The following CACNA1A variants were observed in gnomAD, a reference collection of about 807,000 sequenced individuals.
CACNA1A encodes voltage-dependent P/Q-type calcium channel subunit alpha-1A.
Under a neutral mutation model 262.4 loss-of-function variants are expected in CACNA1A, and 57 were observed. The ratio of observed to expected loss-of-function variants is 0.22; its 90% confidence interval spans 0.18 to 0.27. The LOEUF (loss-of-function observed/expected upper bound fraction) is 0.27. Ranked by LOEUF, CACNA1A falls within the 10% of genes least tolerant of loss-of-function variation. CACNA1A has a pLI of 1.00. For synonymous variants in CACNA1A, 1,431 were observed against 1,419.3 expected (o/e 1.01, Z -0.18); for missense variants, 2,526 against 3,562.8 (o/e 0.71, Z 7.41).
intron 3 of CACNA1A, among the ~76,000 whole-genome samples, chr19:13,434,384 T>C (rs2060573534): frequency 6.6e-6 from 1 of 152,144 alleles, no homozygotes; most frequent in Non-Finnish European, 1.5e-5. Flanking sequence ...CAAAAGTAAT[T>C]GTGGTTTTTG....
At chr19:13,246,917 C>T (rs1346205752) in intron 30 of CACNA1A, among the ~76,000 whole-genome samples, 3 of 152,230 alleles carry the variant, frequency 2.0e-5, no homozygotes, top group Admixed American at 6.5e-5. Context: ...TGAGCCACCA[C>T]GCCTGGCCTC....
chr19:13,370,088 A>T (rs562385280), intron 4 of CACNA1A, among the ~76,000 whole-genome samples: 41 of 151,632 alleles, frequency 2.7e-4, no homozygotes, highest in Non-Finnish European at 5.6e-4. Flanking sequence ...GCACATAGTA[A>T]GTGCTTTTTA....
Position 13,299,325 on chromosome 19 carries a change from C to T in CACNA1A, c.2308G>A (p.Ala770Thr), listed in dbSNP as rs376308062. 8 of 1,600,236 alleles carry T rather than the reference C, an allele frequency of 5.0e-6. No individual in the cohort carries two copies. The highest frequency in any genetic ancestry group is 6.8e-6 in the Non-Finnish European group (8 of 1,179,782). The change falls in exon 19 of 47, where the codon GCC becomes ACC. Residue 770 changes from alanine to threonine, a missense_variant. Coordinates refer to ENST00000360228, the MANE Select transcript of CACNA1A (RefSeq NM_001127222.2). ...VKEQQKNQKP[A>T]KSVWEQRTSE... ...GTCCGCTGCTCCCACACGGACTTGGCTGGCTTTTGATTCTTCTGTTGCTCT... is the reference window on the plus strand; with the variant it reads ...GTCCGCTGCTCCCACACGGACTTGGTTGGCTTTTGATTCTTCTGTTGCTCT...
chr19:13,208,686 G>A, intron 46 of CACNA1A, 70 bp downstream of exon 46: 1 of 1,469,878 alleles, frequency 6.8e-7, no homozygotes. Context: ...GCTGTTGGAT[G>A]GGGTATCCCC....
intron 3 of CACNA1A, among the ~76,000 whole-genome samples, chr19:13,431,906 A>G (rs2060511339): frequency 6.6e-6 from 1 of 151,940 alleles, no homozygotes; most frequent in Non-Finnish European, 1.5e-5. Flanking sequence ...AGAGATTGAC[A>G]CCATCCTGGC....
intron 1 of CACNA1A, among the ~76,000 whole-genome samples, chr19:13,457,608 T>C (rs1450766795): frequency 6.6e-6 from 1 of 152,134 alleles, no homozygotes; most frequent in Non-Finnish European, 1.5e-5. Context: ...CCCAGCACTT[T>C]GGAAGGCCGA....
At chr19:13,362,730 T>A (rs1213213743) in intron 5 of CACNA1A, 1 of 152,230 alleles carries the variant, frequency 6.6e-6, no homozygotes, top group Non-Finnish European at 1.5e-5. Context: ...TAAAAATGGC[T>A]GCAAATGAGG....
Position 13,330,375 on chromosome 19 carries a change from T to C in CACNA1A, c.1256-42A>G, listed in dbSNP as rs964988506. ...ATGGCAAGAGAAAAAGACGTTACCC[T>C]TTTTGCAACACAGACCATATGGACA... On this transcript the variant is annotated intron_variant, in intron 9 of 46. Coordinates refer to ENST00000360228, the MANE Select transcript of CACNA1A (RefSeq NM_001127222.2). 3 of 1,412,140 alleles carry C rather than the reference T, an allele frequency of 2.1e-6. No homozygotes were observed. The Admixed American group carries it at 5.9e-5, about 28-fold the overall frequency. 87.5% of individuals were successfully genotyped at this position (1,412,140 alleles called of 1,614,324 possible). A position where few individuals can be genotyped will look rare whatever the true frequency, so the allele number is the denominator to read the frequency against.
chr19:13,313,532 T>C (rs946774006), intron 11 of CACNA1A, among the ~76,000 whole-genome samples: 6 of 143,646 alleles, frequency 4.2e-5, no homozygotes, highest in Admixed American at 2.8e-4. Flanking sequence ...GCAACAATTA[T>C]GCCCTACCCT....
intron 29 of CACNA1A, among the ~76,000 whole-genome samples, chr19:13,253,826 GC>G (rs757543977): frequency 6.6e-6 from 1 of 151,942 alleles, no homozygotes; most frequent in East Asian, 1.9e-4. Context: ...TGCAACTTCC[GC>G]CCCCTGGGTT....
At chr19:13,280,670 G>A in intron 22 of CACNA1A, among the ~76,000 whole-genome samples, 1 of 152,012 alleles carries the variant, frequency 6.6e-6, no homozygotes, top group East Asian at 1.9e-4. Context: ...ACCGGGCGTG[G>A]TGGCTCACGC....
At chr19:13,268,969 G>A (rs911648520) in intron 24 of CACNA1A, among the ~76,000 whole-genome samples, 3 of 149,240 alleles carry the variant, frequency 2.0e-5, no homozygotes, top group Non-Finnish European at 4.4e-5. Context: ...AAAGTGCTGG[G>A]ATTACAGGCG....
intron 1 of CACNA1A, among the ~76,000 whole-genome samples, chr19:13,468,556 G>A (rs2061294915): frequency 6.6e-6 from 1 of 152,162 alleles, no homozygotes; most frequent in Admixed American, 6.5e-5. Context: ...GGAGGCCAAG[G>A]TGGCCGGATC....
intron 3 of CACNA1A, among the ~76,000 whole-genome samples, chr19:13,405,373 T>C (rs1264420768): frequency 6.6e-6 from 1 of 151,948 alleles, no homozygotes; most frequent in Non-Finnish European, 1.5e-5. Context: ...TTTGTATTTT[T>C]ATTTTTATTT....
intron 3 of CACNA1A, among the ~76,000 whole-genome samples, chr19:13,427,945 GT>G (rs1407114894): frequency 6.6e-6 from 1 of 151,022 alleles, no homozygotes; most frequent in Non-Finnish European, 1.5e-5. Flanking sequence ...ATAACAGGTT[GT>G]TTTTTTTTGT....
At position 13,325,152 on chromosome 19, in the gene CACNA1A, TTCC is replaced by T. The variant is rs79298083; in HGVS notation, c.1345+5089_1345+5091del. Among the ~76,000 whole-genome samples, 10 of 146,840 alleles carry T rather than the reference TTCC, an allele frequency of 6.8e-5. 1 individual carries two copies. The highest frequency in any genetic ancestry group is 1.3e-4 in the Non-Finnish European group (9 of 66,926). On this transcript the variant is annotated intron_variant, in intron 10 of 46. Coordinates refer to ENST00000360228, the MANE Select transcript of CACNA1A (RefSeq NM_001127222.2). ...CCTCCTCCTCCTCCTCTTCTTCTTC[TTCC>T]TTCTTCCTTCTTCTTCTTTCCTCCT...
chr19:13,207,233 C>G lies in CACNA1A; in HGVS notation c.*80G>C. 7.2e-7 allele frequency: 1 copy of G among 1,389,296 alleles called. No homozygotes were observed. 86.1% of individuals were successfully genotyped at this position (1,389,296 alleles called of 1,614,324 possible). ...TCCCGGGCCCTCTGTGCTGGGCCCC[C>G]GCGGCCTCTGCGCGGCTCCTCGGGT... On this transcript the variant is annotated 3_prime_UTR_variant, in exon 47 of 47. Transcript: ENST00000360228. The surrounding 1 kb of genome is among the most constrained non-coding windows in gnomAD (Gnocchi z 5.7).
At chr19:13,349,016 A>T in intron 6 of CACNA1A, among the ~76,000 whole-genome samples, 1 of 137,708 alleles carries the variant, frequency 7.3e-6, no homozygotes, top group African/African-American at 3.3e-5. Context: ...TCAAAAAAAA[A>T]AAAAAAAAAA....
intron 19 of CACNA1A, among the ~76,000 whole-genome samples, chr19:13,287,443 G>GT (rs2057429729): frequency 6.6e-6 from 1 of 152,298 alleles, no homozygotes; most frequent in South Asian, 2.1e-4. Flanking sequence ...AGAGGAGCCT[G>GT]TTCACTTCTT....
Sources: gnomAD v4.1 joint callset for allele counts (sites outside exome capture counted in the v4.1 genomes callset) on GRCh38, gnomAD v4.1.1 for gene constraint, Gnocchi (gnomAD v3.1) non-coding constraint, MANE v1.5 for transcripts, NCBI Gene and HGNC (gene_info 2026-07-23, HGNC 2026-07-21) for gene names.